The following VAV1 variants were observed in gnomAD, a reference collection of about 807,000 sequenced individuals.
VAV1 encodes the protein proto-oncogene vav.
VAV1 carries 33 observed loss-of-function variants against 128.1 expected under a neutral mutation model. That is an observed-to-expected ratio of 0.26 (90% CI 0.20 to 0.34). The LOEUF (loss-of-function observed/expected upper bound fraction) is 0.34, where lower values mean the gene tolerates loss of function less well. Among genes scored for constraint, VAV1 ranks in the 10% least tolerant of loss-of-function variants. The pLI, the probability that VAV1 is intolerant of heterozygous loss-of-function variation, is 1.00. For synonymous variants in VAV1, 394 were observed against 409.8 expected (o/e 0.96, Z 0.47); for missense variants, 715 against 1,093.7 (o/e 0.65, Z 4.88).
intron 23 of VAV1, 121 bp downstream of exon 23, chr19:6,848,235 C>T: frequency 4.8e-6 from 4 of 833,408 alleles, no homozygotes; most frequent in Non-Finnish European, 5.2e-6. Flanking sequence ...TTTTACTGAG[C>T]CCCTGCTGGT....
intron 25 of VAV1, 145 bp from the exon 26 acceptor site, chr19:6,853,802 T>C: frequency 1.0e-6 from 1 of 964,812 alleles, no homozygotes; most frequent in Non-Finnish European, 1.5e-6. Context: ...TGTGTCCCCT[T>C]ACAGTACAGG....
intron 24 of VAV1, among the ~76,000 whole-genome samples, chr19:6,852,075 G>A (rs1045358100): frequency 3.5e-4 from 54 of 152,142 alleles, no homozygotes; most frequent in African/African-American, 1.2e-3. Flanking sequence ...GTGCAATGTT[G>A]TGATCATAGC....
intron 21 of VAV1, among the ~76,000 whole-genome samples, chr19:6,841,954 G>A (rs1972388058): frequency 6.6e-6 from 1 of 151,312 alleles, no homozygotes; most frequent in African/African-American, 2.4e-5. Context: ...GGCCGGGCGC[G>A]GTGGTTCACG....
chr19:6,845,334 G>A (rs538135673), intron 22 of VAV1, among the ~76,000 whole-genome samples: 3 of 152,180 alleles, frequency 2.0e-5, no homozygotes, highest in East Asian at 1.9e-4. Context: ...GCAGTGAGCC[G>A]AGATTGCGCC....
chr19:6,844,279 C>T (rs1972461787), intron 22 of VAV1, among the ~76,000 whole-genome samples: 7 of 151,438 alleles, frequency 4.6e-5, no homozygotes. Context: ...AGCGCAATGG[C>T]GTGATCTCGG....
At chr19:6,774,555 C>T (rs1157522434) in intron 1 of VAV1, among the ~76,000 whole-genome samples, 2 of 150,538 alleles carry the variant, frequency 1.3e-5, no homozygotes, top group Admixed American at 6.7e-5. Flanking sequence ...CTGCCTCAGC[C>T]TCCTGAGTAG....
At chr19:6,773,042 G>T (rs2144677843) in intron 1 of VAV1, 31 bp downstream of exon 1, 1 of 1,613,658 alleles carries the variant, frequency 6.2e-7, no homozygotes, top group South Asian at 1.1e-5. Context: ...TGTGCTGAGG[G>T]TTGGAGACGG....
At chr19:6,813,540 A>G (rs556690448) in intron 1 of VAV1, among the ~76,000 whole-genome samples, 14 of 152,190 alleles carry the variant, frequency 9.2e-5, no homozygotes, top group South Asian at 2.1e-4. Context: ...CTACAAACAC[A>G]TTGTCTTAAT....
At chr19:6,840,369 A>G (rs189481278) in intron 21 of VAV1, among the ~76,000 whole-genome samples, 57 of 149,732 alleles carry the variant, frequency 3.8e-4, no homozygotes, top group African/African-American at 1.0e-3. Context: ...GCAGTGGCGC[A>G]ATCTTGGCTC....
intron 21 of VAV1, among the ~76,000 whole-genome samples, chr19:6,837,463 G>A (rs1401855977): frequency 1.3e-5 from 2 of 151,898 alleles, no homozygotes; most frequent in Non-Finnish European, 2.9e-5. Flanking sequence ...TTCTTCCAGT[G>A]TTCTCTGCTT....
At chr19:6,846,123 A>G (rs1490541301) in intron 22 of VAV1, among the ~76,000 whole-genome samples, 3 of 149,714 alleles carry the variant, frequency 2.0e-5, no homozygotes, top group Non-Finnish European at 4.4e-5. Flanking sequence ...ATTTTAACAT[A>G]CATTTACATT....
intron 1 of VAV1, among the ~76,000 whole-genome samples, chr19:6,801,260 A>G (rs909567449): frequency 6.6e-5 from 10 of 152,112 alleles, no homozygotes; most frequent in Non-Finnish European, 1.0e-4. Flanking sequence ...TCTACCGCAA[A>G]CATTGGGTCA....
At chr19:6,815,218 G>A (rs1470417814) in intron 1 of VAV1, among the ~76,000 whole-genome samples, 1 of 152,126 alleles carries the variant, frequency 6.6e-6, no homozygotes, top group African/African-American at 2.4e-5. Flanking sequence ...TGCGATCATA[G>A]CTCACTGCAG....
In VAV1 at chr19:6,837,007, A is replaced by G; in HGVS notation, c.1937A>G (p.Glu646Gly). The change falls in exon 21 of 27, where the codon GAA (glutamate) becomes GGA (glycine). Residue 646 changes from glutamate (E) to glycine (G), a missense_variant. Transcript: ENST00000602142. ...WWEGRNTSTNEIGWFPCNRVK... is the reference protein window; with the variant it reads ...WWEGRNTSTNGIGWFPCNRVK... ...TAGGGCAGAAATACATCTACTAATG[A>G]AATTGGCTGGTTTCCTTGTAACAGG... 1 of 1,614,140 alleles carries G rather than the reference A, an allele frequency of 6.2e-7. No individual in the cohort carries two copies. The highest frequency in any genetic ancestry group is 8.5e-7 in the Non-Finnish European group (1 of 1,180,018).
At chr19:6,821,018 G>A (rs993085316) in intron 2 of VAV1, among the ~76,000 whole-genome samples, 200 bp downstream of exon 2, 1 of 152,200 alleles carries the variant, frequency 6.6e-6, no homozygotes, top group African/African-American at 2.4e-5. Context: ...CCTTGGATAC[G>A]TGGCTGTGCC....
chr19:6,776,159 CCCATCCATCCAT>C (rs56714339), intron 1 of VAV1, among the ~76,000 whole-genome samples: 2,044 of 130,328 alleles, frequency 0.016, 54 homozygotes, highest in African/African-American at 0.058. Flanking sequence ...CATCTATCCA[CCCATCCATCCAT>C]CCATCCATCC....
At chr19:6,773,261 A>T (rs1018712963) in intron 1 of VAV1, among the ~76,000 whole-genome samples, 4 of 151,982 alleles carry the variant, frequency 2.6e-5, no homozygotes, top group African/African-American at 9.6e-5. Flanking sequence ...GAACTGGCAA[A>T]CTAGGGGTTA....
Position 6,826,837 on chromosome 19 carries a change from A to T in VAV1, c.927+126A>T. 1 of 761,692 alleles carries T rather than the reference A, an allele frequency of 1.3e-6. No individual in the cohort carries two copies. The highest frequency in any genetic ancestry group is 2.2e-6 in the Non-Finnish European group (1 of 454,678). 47.2% of individuals were successfully genotyped at this position (761,692 alleles called of 1,614,324 possible). A position where few individuals can be genotyped will look rare whatever the true frequency, so the allele number is the denominator to read the frequency against. On this transcript the variant is annotated intron_variant, in intron 9 of 26. Transcript: ENST00000602142. This position sits in a 1 kb window ranked among gnomAD's most constrained non-coding sequence, Gnocchi z 4.1. Reference sequence around the variant, plus strand: ...AGCCCAGCCAGAGATCCACCAAAGGACTAGGGAGGGAGGTACTAGCCAGCC... The same window carrying T: ...AGCCCAGCCAGAGATCCACCAAAGGTCTAGGGAGGGAGGTACTAGCCAGCC...
At chr19:6,855,497 A>G (rs1972771116) in intron 26 of VAV1, among the ~76,000 whole-genome samples, 1 of 151,970 alleles carries the variant, frequency 6.6e-6, no homozygotes, top group Non-Finnish European at 1.5e-5. Flanking sequence ...ATTTCAACCT[A>G]CGCATCTATC....
Sources: allele counts gnomAD v4.1 joint callset (sites outside exome capture counted in the v4.1 genomes callset), GRCh38; gene constraint gnomAD v4.1.1; non-coding constraint Gnocchi (gnomAD v3.1); transcripts MANE v1.5; gene names NCBI Gene and HGNC (gene_info 2026-07-23, HGNC 2026-07-21).